Variants in PCSK6 observed in about 807,000 individuals in gnomAD.
PCSK6 encodes proprotein convertase subtilisin/kexin type 6, also known as paired basic amino acid cleaving enzyme 4.
PCSK6 carries 85 observed loss-of-function variants against 123.3 expected under a neutral mutation model. That is an observed-to-expected ratio of 0.69 (90% CI 0.58 to 0.83). PCSK6 has a LOEUF of 0.83. PCSK6 is among the 40% of genes least tolerant of loss of function. The pLI, the probability that PCSK6 is intolerant of heterozygous loss-of-function variation, is 0.00. For missense variants in PCSK6, 1,191 were observed against 1,282.3 expected, an observed-to-expected ratio of 0.93 and a Z score of 1.09; for synonymous variants, 508 against 516.0, an observed-to-expected ratio of 0.98 and a Z score of 0.21.
chr15:101,392,593 C>CTTTTTT (rs10525638), intron 8 of PCSK6, among the ~76,000 whole-genome samples: 25,035 of 121,940 alleles, frequency 0.21, 3,138 homozygotes, highest in South Asian at 0.28. Flanking sequence ...CTCCCTTCCT[C>CTTTTTT]TTTTTTTTTT....
intron 1 of PCSK6, among the ~76,000 whole-genome samples, chr15:101,447,294 C>T (rs2056917411): frequency 6.6e-6 from 1 of 152,110 alleles, no homozygotes; most frequent in Non-Finnish European, 1.5e-5. Flanking sequence ...CGCAGGGTCA[C>T]CTGTGGGGAT....
intron 15 of PCSK6, 137 bp downstream of exon 15, chr15:101,331,513 TG>T: frequency 1.4e-6 from 1 of 740,222 alleles, no homozygotes; most frequent in Non-Finnish European, 2.4e-6. Flanking sequence ...AGCTGTGAGA[TG>T]GGGGCCTTTG....
At chr15:101,320,573 A>G (rs1567140344) in intron 18 of PCSK6, among the ~76,000 whole-genome samples, 1 of 152,112 alleles carries the variant, frequency 6.6e-6, no homozygotes, top group African/African-American at 2.4e-5. Context: ...GTATGTTGGC[A>G]AGCTCCTCTG....
intron 8 of PCSK6, among the ~76,000 whole-genome samples, chr15:101,392,924 G>T (rs2042275859): frequency 6.6e-6 from 1 of 152,184 alleles, no homozygotes; most frequent in African/African-American, 2.4e-5. Flanking sequence ...AAGACATCAT[G>T]AGAAGGAACC....
intron 13 of PCSK6, 137 bp downstream of exon 13, chr15:101,366,059 G>T: frequency 1.1e-6 from 1 of 934,200 alleles, no homozygotes; most frequent in Non-Finnish European, 1.5e-6. Context: ...TTAAAATGGT[G>T]AATTTTCTGT....
At chr15:101,457,537 G>GA (rs1312824174) in intron 1 of PCSK6, among the ~76,000 whole-genome samples, 1 of 152,268 alleles carries the variant, frequency 6.6e-6, no homozygotes, top group African/African-American at 2.4e-5. Context: ...TTTGTGGGGG[G>GA]AAGTGCATTG....
Position 101,393,331 on chromosome 15 carries a change from T to A in PCSK6, c.1090A>T (p.Ile364Phe). Residue 364 changes from isoleucine (I) to phenylalanine (F), a missense_variant, in exon 8 of 22, where the codon ATC (isoleucine) becomes TTC (phenylalanine). Physicochemically the swap from Ile to Phe is conservative, Grantham distance 21 (BLOSUM62 0). Transcript: ENST00000611716. Reference sequence around the variant, plus strand: ...GCGCTGCTGACGGAGATGGTGTAGATGCTGTTGGTGTAGCCATCGCACGAG... The same window carrying A: ...GCGCTGCTGACGGAGATGGTGTAGAAGCTGTTGGTGTAGCCATCGCACGAG... ...YCSCDGYTNS[I>F]YTISVSSATE... 6.2e-7 allele frequency: 1 copy of A among 1,611,412 alleles called. No individual in the cohort carries two copies. The highest frequency in any genetic ancestry group is 8.5e-7 in the Non-Finnish European group (1 of 1,178,716).
At chr15:101,321,787 G>A (rs1048038114) in intron 18 of PCSK6, among the ~76,000 whole-genome samples, 4 of 152,222 alleles carry the variant, frequency 2.6e-5, no homozygotes, top group Admixed American at 1.3e-4. Flanking sequence ...TGCTGCATCA[G>A]AACCTGCATC....
In PCSK6 at chr15:101,331,981, A is replaced by G. The variant is rs780754573; in HGVS notation, c.1909T>C (p.Tyr637His). ...GACTGATGGGCACTGAAGGTGTGGT[A>G]CGGGTGCTCTGCTGTGCCATACAGT... ...LILYGTAEHP[Y>H]HTFSAHQSRS... is the part of the protein sequence containing the mutation. The change falls in exon 14 of 22, where the codon TAC becomes CAC. Residue 637 changes from tyrosine (Y) to histidine (H), a missense_variant. Physicochemically the swap from Tyr to His is moderately conservative, Grantham distance 83 (BLOSUM62 2). Around this residue, in one of 3 missense-constraint regions of PCSK6, gnomAD observed 630 missense variants for 631.4 expected, o/e 1.00. Coordinates refer to ENST00000611716, the MANE Select transcript of PCSK6 (RefSeq NM_002570.5). The G allele has an allele frequency of 5.6e-6, 9 of 1,613,588 alleles. No homozygotes were observed. The East Asian group carries it at 1.8e-4, about 32-fold the overall frequency.
At chr15:101,441,851 AT>A (rs1242962998) in intron 2 of PCSK6, among the ~76,000 whole-genome samples, 2 of 152,212 alleles carry the variant, frequency 1.3e-5, no homozygotes, top group African/African-American at 4.8e-5. Context: ...CACACGGCAG[AT>A]CAAGTGCTTG....
Position 101,431,434 on chromosome 15 carries a change from C to T in PCSK6, c.543G>A (p.Arg181=). 6.2e-7 allele frequency: 1 copy of T among 1,613,832 alleles called. No homozygotes were observed. The highest frequency in any genetic ancestry group is 1.1e-5 in the South Asian group (1 of 91,008). ...LHCGDKNSRC[R]SEMNVQAAWK... is the part of the protein sequence containing the mutation. The stretch of plus-strand genomic sequence containing the variant: ...ACGCTGCCTGGACATTCATTTCCGA[C>T]CGGCAGCGACTGTTCTTGTCGCCAC... Residue 181 remains arginine, a synonymous_variant, in exon 4 of 22, where the codon CGG becomes CGA. Transcript: ENST00000611716.
At chr15:101,362,159 T>A (rs1372364596) in intron 13 of PCSK6, among the ~76,000 whole-genome samples, 3 of 152,090 alleles carry the variant, frequency 2.0e-5, no homozygotes, top group Non-Finnish European at 4.4e-5. Context: ...GGTTTCACCA[T>A]GTTGGCCAGG....
chr15:101,415,581 T>A (rs76084706), intron 6 of PCSK6, among the ~76,000 whole-genome samples: 2,662 of 152,300 alleles, frequency 0.017, 77 homozygotes, highest in African/African-American at 0.06. Context: ...TGATACAGAT[T>A]TTTTTTACTC....
intron 13 of PCSK6, among the ~76,000 whole-genome samples, chr15:101,351,918 G>C (rs1165754969): frequency 2.6e-5 from 4 of 152,066 alleles, no homozygotes; most frequent in African/African-American, 7.2e-5. Context: ...TATAAAGTGA[G>C]GTCAGAACAC....
intron 13 of PCSK6, among the ~76,000 whole-genome samples, chr15:101,337,612 C>T (rs2040511243): frequency 6.6e-6 from 1 of 152,180 alleles, no homozygotes; most frequent in East Asian, 1.9e-4. Context: ...CCTGTTTTCT[C>T]TTTCTTTTTC....
chr15:101,399,493 G>C (rs538382644), intron 6 of PCSK6, among the ~76,000 whole-genome samples: 1 of 152,270 alleles, frequency 6.6e-6, no homozygotes, highest in East Asian at 1.9e-4. Flanking sequence ...ACCCCAAAAA[G>C]AGAGGGGTGA....
intron 17 of PCSK6, among the ~76,000 whole-genome samples, 179 bp from the exon 18 acceptor site, chr15:101,322,786 A>AG (rs2040158193): frequency 6.6e-6 from 1 of 152,234 alleles, no homozygotes; most frequent in Non-Finnish European, 1.5e-5. Context: ...GTGGGGTCAC[A>AG]GAATTCTCAC....
chr15:101,346,887 C>A, intron 13 of PCSK6: 1 of 1,231,548 alleles, frequency 8.1e-7, no homozygotes, highest in Non-Finnish European at 1.0e-6. Flanking sequence ...TGCATTTCTC[C>A]CCGAGATAAG....
Position 101,382,155 on chromosome 15 carries a change from G to C in PCSK6, c.1469C>G (p.Ala490Gly), listed in dbSNP as rs749887409. The change falls in exon 11 of 22, where the codon GCA (alanine) becomes GGA (glycine). Residue 490 changes from alanine to glycine, a missense_variant. Physicochemically the swap from Ala to Gly is moderately conservative, Grantham distance 60. Transcript: ENST00000611716. ...CGATGGCACTGCTGTCCACTTCTTTGCCTCCACAACGAGAGCTTCTGCGTC... is the reference window on the plus strand; with the variant it reads ...CGATGGCACTGCTGTCCACTTCTTTCCCTCCACAACGAGAGCTTCTGCGTC... The part of the protein sequence containing the change: ...LVDAEALVVE[A>G]KKWTAVPSQH... 1.2e-6 allele frequency: 2 copies of C among 1,613,038 alleles called. No individual in the cohort carries two copies. The highest frequency in any genetic ancestry group is 1.7e-6 in the Non-Finnish European group (2 of 1,179,624).
Sources: gnomAD v4.1 joint callset for allele counts (sites outside exome capture counted in the v4.1 genomes callset) on GRCh38, gnomAD v4.1.1 for gene constraint, gnomAD v4.1.1 regional missense constraint, MANE v1.5 for transcripts, NCBI Gene and HGNC (gene_info 2026-07-23, HGNC 2026-07-21) for gene names.